The following CAMKMT variants were observed in gnomAD, a reference collection of about 807,000 sequenced individuals.
The protein encoded by CAMKMT is calmodulin-lysine N-methyltransferase.
Under a neutral mutation model 48.0 loss-of-function variants are expected in CAMKMT, and 53 were observed. The ratio of observed to expected loss-of-function variants is 1.10; its 90% CI spans 0.89 to 1.39. CAMKMT has a LOEUF of 1.39. Among genes scored for constraint, CAMKMT ranks in the 40% most tolerant of loss-of-function variants. The pLI is 0.00. For missense variants in CAMKMT, 428 were observed against 402.7 expected (o/e 1.06, Z -0.54); for synonymous variants, 165 against 152.3 (o/e 1.08, Z -0.61).
chr2:44,577,720 A>C (rs1669308593), intron 3 of CAMKMT, among the ~76,000 whole-genome samples: 2 of 152,090 alleles, frequency 1.3e-5, no homozygotes, highest in South Asian at 4.2e-4. Context: ...GGAGATGGAG[A>C]GGGAGAATAT....
At chr2:44,409,815 T>C (rs1291707945) in intron 3 of CAMKMT, among the ~76,000 whole-genome samples, 1 of 152,170 alleles carries the variant, frequency 6.6e-6, no homozygotes, top group Non-Finnish European at 1.5e-5. Context: ...ATGATGGAGA[T>C]GTATGTAAGG....
At chr2:44,641,553 TA>T (rs1396706314) in intron 3 of CAMKMT, among the ~76,000 whole-genome samples, 1 of 24,780 alleles carries the variant, frequency 4.0e-5, no homozygotes, top group Non-Finnish European at 1.2e-4. Context: ...TATGATATTT[TA>T]TATATATATA....
At chr2:44,472,677 G>A (rs74653049) in intron 3 of CAMKMT, among the ~76,000 whole-genome samples, 8,284 of 152,132 alleles carry the variant, frequency 0.054, 289 homozygotes, top group South Asian at 0.13. Flanking sequence ...TAGAGAGGAC[G>A]GGCAGATATA....
intron 3 of CAMKMT, among the ~76,000 whole-genome samples, chr2:44,608,660 T>A (rs1049565327): frequency 2.6e-5 from 4 of 152,204 alleles, no homozygotes; most frequent in African/African-American, 7.2e-5. Flanking sequence ...TCTCTCTCTC[T>A]TTCTCTTTTT....
intron 3 of CAMKMT, among the ~76,000 whole-genome samples, chr2:44,574,652 G>A (rs975991162): frequency 2.0e-5 from 3 of 151,496 alleles, no homozygotes; most frequent in Non-Finnish European, 4.4e-5. Flanking sequence ...TTTTGACTGA[G>A]GTTGCGTTGA....
intron 3 of CAMKMT, chr2:44,549,604 A>G: frequency 1.5e-6 from 1 of 684,922 alleles, no homozygotes; most frequent in South Asian, 1.6e-5. Context: ...GGTGATCATA[A>G]CTCAGTGCAG....
chr2:44,552,102 T>C (rs1667746084), intron 3 of CAMKMT, among the ~76,000 whole-genome samples: 1 of 152,142 alleles, frequency 6.6e-6, no homozygotes, highest in South Asian at 2.1e-4. Context: ...ATAGTGTACA[T>C]TGTTTTACCC....
intron 10 of CAMKMT, among the ~76,000 whole-genome samples, chr2:44,768,362 T>TATATATATATCTATA (rs1491157479): frequency 1.3e-5 from 1 of 74,308 alleles, no homozygotes; most frequent in Non-Finnish European, 2.5e-5. Context: ...TATATATATA[T>TATATATATATCTATA]TTTTTTTTTT....
At chr2:44,698,273 T>C (rs995561772) in intron 3 of CAMKMT, among the ~76,000 whole-genome samples, 4 of 152,206 alleles carry the variant, frequency 2.6e-5, no homozygotes, top group African/African-American at 9.6e-5. Flanking sequence ...ATTGTTGCCC[T>C]GGGCAGTTAC....
Position 44,707,055 on chromosome 2 carries a change from A to G in CAMKMT, c.493-344A>G, listed in dbSNP as rs548685474. Among the ~76,000 whole-genome samples the G allele has an allele frequency of 2.0e-5, 3 of 152,088 alleles. No individual in the cohort carries two copies. The South Asian group carries it at 6.2e-4, about 32-fold the overall frequency. On this transcript the variant is annotated intron_variant, in intron 5 of 10. Coordinates refer to ENST00000378494, the MANE Select transcript of CAMKMT (RefSeq NM_024766.5). ...TATGAAGGGCATCAGGCAGTCAGAC[A>G]GAAGCAAGCTGAAAGGCAGAGTGAC...
At chr2:44,634,503 C>G (rs1171241913) in intron 3 of CAMKMT, among the ~76,000 whole-genome samples, 5 of 152,066 alleles carry the variant, frequency 3.3e-5, no homozygotes, top group Admixed American at 3.3e-4. Context: ...CATTTTAATG[C>G]CTTTTAAATA....
intron 3 of CAMKMT, among the ~76,000 whole-genome samples, chr2:44,433,708 T>C (rs1280117582): frequency 1.3e-5 from 2 of 152,226 alleles, no homozygotes; most frequent in Non-Finnish European, 2.9e-5. Context: ...ACCACTAATA[T>C]TTGATTAACT....
intron 3 of CAMKMT, among the ~76,000 whole-genome samples, chr2:44,689,312 T>TTTA (rs1435601194): frequency 5.1e-4 from 29 of 57,234 alleles, no homozygotes; most frequent in Non-Finnish European, 1.0e-3. Flanking sequence ...TTATTTATTT[T>TTTA]GAGACAGGGA....
chr2:44,500,104 G>A (rs576137545), intron 3 of CAMKMT, among the ~76,000 whole-genome samples: 2 of 152,198 alleles, frequency 1.3e-5, no homozygotes, highest in East Asian at 3.9e-4. Flanking sequence ...AATATCCTGC[G>A]AAACTGTTGA....
chr2:44,521,588 A>G (rs1023639358), intron 3 of CAMKMT, among the ~76,000 whole-genome samples: 10 of 152,298 alleles, frequency 6.6e-5, no homozygotes, highest in Admixed American at 3.3e-4. Context: ...TAGTATCCCA[A>G]TTTTATAGTT....
At chr2:44,621,071 A>AT (rs1335447052) in intron 3 of CAMKMT, among the ~76,000 whole-genome samples, 1 of 152,120 alleles carries the variant, frequency 6.6e-6, no homozygotes, top group East Asian at 1.9e-4. Context: ...GACAGAGACC[A>AT]TCCTGGCTAA....
chr2:44,463,388 C>T (rs1667946167), intron 3 of CAMKMT, among the ~76,000 whole-genome samples: 1 of 152,218 alleles, frequency 6.6e-6, no homozygotes, highest in Admixed American at 6.5e-5. Context: ...CAAGTAGTTC[C>T]ATTTGAATGA....
At chr2:44,426,658 T>C (rs1572846774) in intron 3 of CAMKMT, among the ~76,000 whole-genome samples, 1 of 152,258 alleles carries the variant, frequency 6.6e-6, no homozygotes, top group East Asian at 1.9e-4. Context: ...AAAACACTGC[T>C]GAAAGAAATT....
At chr2:44,627,505 A>C (rs983375324) in intron 3 of CAMKMT, among the ~76,000 whole-genome samples, 1 of 152,036 alleles carries the variant, frequency 6.6e-6, no homozygotes, top group Non-Finnish European at 1.5e-5. Flanking sequence ...CAGTGAATCC[A>C]TCTGAACCTG....
Sources: gnomAD v4.1 joint callset for allele counts (sites outside exome capture counted in the v4.1 genomes callset) on GRCh38, gnomAD v4.1.1 for gene constraint, MANE v1.5 for transcripts, NCBI Gene and HGNC (gene_info 2026-07-23, HGNC 2026-07-21) for gene names.